The following GSAP variants were observed in gnomAD, a reference collection of about 807,000 sequenced individuals.
The protein encoded by GSAP is gamma-secretase-activating protein.
A neutral mutation model predicts 131.7 loss-of-function variants in GSAP; 118 were observed. That is an observed-to-expected ratio of 0.90 (90% CI 0.77 to 1.04). The LOEUF is 1.04. GSAP is among the 50% of genes least tolerant of loss of function. GSAP has a pLI of 0.00. For synonymous variants in GSAP, 381 were observed against 363.4 expected (o/e 1.05, Z -0.55); for missense variants, 1,019 against 1,013.2 (o/e 1.01, Z -0.08).
chr7:77,385,160 A>G (rs1450894505), intron 6 of GSAP, among the ~76,000 whole-genome samples: 1 of 151,588 alleles, frequency 6.6e-6, no homozygotes, highest in Non-Finnish European at 1.5e-5. Context: ...CAGCCACCCG[A>G]GTAGATGGGA....
rs1794314935 is a variant in GSAP, at chr7:77,311,312, G to A, written c.*46C>T. ...GAATTCTCAAAGGAGTAAGGTTAATGAGCAAGATTAAAATGGCAGCAGCAG... is the reference window on the plus strand; with the variant it reads ...GAATTCTCAAAGGAGTAAGGTTAATAAGCAAGATTAAAATGGCAGCAGCAG... On this transcript the variant is annotated 3_prime_UTR_variant, in exon 31 of 31. Coordinates refer to ENST00000257626, the MANE Select transcript of GSAP (RefSeq NM_017439.4). The A allele has an allele frequency of 3.8e-6, 4 of 1,063,138 alleles. No individual in the cohort carries two copies. The highest frequency in any genetic ancestry group is 3.5e-5 in the Admixed American group (2 of 57,330). 65.9% of individuals were successfully genotyped at this position (1,063,138 alleles called of 1,614,324 possible).
intron 5 of GSAP, among the ~76,000 whole-genome samples, chr7:77,393,565 C>G (rs1799902855): frequency 6.6e-6 from 1 of 152,048 alleles, no homozygotes; most frequent in Non-Finnish European, 1.5e-5. Context: ...TGCCCTTCTA[C>G]CTGTTCTAGC....
chr7:77,359,333 A>G (rs1794207282), intron 14 of GSAP, among the ~76,000 whole-genome samples: 1 of 152,234 alleles, frequency 6.6e-6, no homozygotes, highest in Admixed American at 6.5e-5. Flanking sequence ...ACCAATCAGA[A>G]TTGCTGTAGG....
Position 77,311,908 on chromosome 7 carries a change from G to T in GSAP, c.2406C>A (p.Phe802Leu). Residue 802 changes from phenylalanine to leucine, a missense_variant, in exon 30 of 31, where the codon TTC (phenylalanine) becomes TTA (leucine). Physicochemically the swap from Phe to Leu is conservative, Grantham distance 22 (BLOSUM62 0). Coordinates refer to ENST00000257626, the MANE Select transcript of GSAP (RefSeq NM_017439.4). ...PRNSMINKSS[F>L]SVEFLPLNYF... ...AGTTCAGAGGCAGAAATTCTACACT[G>T]AACGATGACTTGTTAATCATAGAAT... The T allele has an allele frequency of 1.2e-6, 2 of 1,600,492 alleles. No homozygotes were observed. Among genetic ancestry groups the T allele is most frequent in the South Asian group, 2.2e-5 (2 of 90,816 alleles).
At chr7:77,362,304 T>C (rs941676207) in intron 13 of GSAP, among the ~76,000 whole-genome samples, 3 of 152,082 alleles carry the variant, frequency 2.0e-5, no homozygotes, top group African/African-American at 4.8e-5. Context: ...CTGGGCAACA[T>C]GGTGAAACCC....
At chr7:77,401,982 C>T (rs538862638) in intron 3 of GSAP, among the ~76,000 whole-genome samples, 4 of 152,090 alleles carry the variant, frequency 2.6e-5, no homozygotes, top group East Asian at 1.9e-4. Context: ...CACATTCTAC[C>T]GACATTAATT....
At chr7:77,341,062 T>C (rs1031415885) in intron 19 of GSAP, among the ~76,000 whole-genome samples, 3 of 152,144 alleles carry the variant, frequency 2.0e-5, no homozygotes, top group Admixed American at 1.3e-4. Flanking sequence ...ACAAACTTGA[T>C]AATGGTTCTA....
At chr7:77,344,936 A>C (rs1198967920) in intron 19 of GSAP, among the ~76,000 whole-genome samples, 1 of 152,136 alleles carries the variant, frequency 6.6e-6, no homozygotes, top group Non-Finnish European at 1.5e-5. Flanking sequence ...CACTGCAACA[A>C]CAACAACAAA....
intron 24 of GSAP, 36 bp from the exon 25 acceptor site, chr7:77,321,439 A>ATTCC: frequency 7.2e-7 from 1 of 1,387,620 alleles, no homozygotes; most frequent in Non-Finnish European, 1.0e-6. Flanking sequence ...CCATTGCTCC[A>ATTCC]TTCCTTCCCT....
chr7:77,333,041 C>A (rs1386890456), intron 19 of GSAP, among the ~76,000 whole-genome samples: 1 of 152,120 alleles, frequency 6.6e-6, no homozygotes, highest in African/African-American at 2.4e-5. Flanking sequence ...GTCGCATGCA[C>A]CTGTAGTCCC....
intron 7 of GSAP, among the ~76,000 whole-genome samples, chr7:77,381,690 C>A (rs997954663): frequency 1.5e-4 from 23 of 152,072 alleles, no homozygotes; most frequent in African/African-American, 5.6e-4. Context: ...ATAGGGCTAA[C>A]AAGGGCTTAC....
At chr7:77,381,674 C>T (rs1032046775) in intron 7 of GSAP, among the ~76,000 whole-genome samples, 2 of 152,058 alleles carry the variant, frequency 1.3e-5, no homozygotes, top group South Asian at 2.1e-4. Context: ...ATACCATCAG[C>T]GTTATATAGG....
At chr7:77,355,866 T>G (rs989477034) in intron 14 of GSAP, among the ~76,000 whole-genome samples, 1 of 148,512 alleles carries the variant, frequency 6.7e-6, no homozygotes, top group African/African-American at 2.5e-5. Context: ...GTCGGCCCAC[T>G]GCAGCCTCAA....
rs192736353 is a variant in GSAP at position 77,386,960 on chromosome 7, G to T, written c.456+400C>A. On this transcript the variant is annotated intron_variant, in intron 6 of 30. Coordinates refer to ENST00000257626, the MANE Select transcript of GSAP (RefSeq NM_017439.4). Reference sequence around the variant, plus strand: ...AATCTGCAAATAATGAGGAATGACTGTATCTATGCCACCTACATTATACAT... The same window carrying T: ...AATCTGCAAATAATGAGGAATGACTTTATCTATGCCACCTACATTATACAT... 7.6e-4 allele frequency among the ~76,000 whole-genome samples: 116 copies of T among 152,254 alleles called. No homozygotes were observed. The East Asian group carries it at 0.022, about 28-fold the overall frequency.
intron 3 of GSAP, among the ~76,000 whole-genome samples, chr7:77,399,842 G>C (rs1241989213): frequency 6.6e-6 from 1 of 152,062 alleles, no homozygotes; most frequent in East Asian, 1.9e-4. Context: ...AGACTCTTTA[G>C]GGACCTCAGA....
intron 6 of GSAP, among the ~76,000 whole-genome samples, chr7:77,386,004 T>C (rs1178861916): frequency 4.6e-5 from 7 of 152,216 alleles, no homozygotes; most frequent in Non-Finnish European, 7.3e-5. Flanking sequence ...AGTAGTTATG[T>C]TCTGTAAAGT....
intron 19 of GSAP, among the ~76,000 whole-genome samples, chr7:77,335,686 A>G (rs1225433996): frequency 6.6e-6 from 1 of 152,042 alleles, no homozygotes; most frequent in African/African-American, 2.4e-5. Context: ...TTACTGCCAG[A>G]AAAAAAATCT....
chr7:77,396,877 T>A, intron 5 of GSAP, 105 bp downstream of exon 5: 1 of 635,132 alleles, frequency 1.6e-6, no homozygotes, highest in Non-Finnish European at 2.7e-6. Flanking sequence ...TGAGATACGA[T>A]AAGGCTATTT....
intron 20 of GSAP, 159 bp from the exon 21 acceptor site, chr7:77,329,550 AT>A (rs1311528903): frequency 4.8e-6 from 2 of 416,066 alleles, no homozygotes; most frequent in African/African-American, 4.1e-5. Flanking sequence ...TTTAAGAAAT[AT>A]TTTATTCTGA....
Sources: allele counts gnomAD v4.1 joint callset (sites outside exome capture counted in the v4.1 genomes callset), GRCh38; gene constraint gnomAD v4.1.1; transcripts MANE v1.5; gene names NCBI Gene and HGNC (gene_info 2026-07-23, HGNC 2026-07-21).